CCDC122: variants seen among roughly 807,000 people sequenced by gnomAD.
CCDC122 encodes the protein coiled-coil domain containing 122.
Under a neutral mutation model 37.0 loss-of-function variants are expected in CCDC122, and 38 were observed. The observed-to-expected ratio is 1.03, with a 90% CI of 0.79 to 1.35. The LOEUF is 1.35. Ranked by LOEUF, CCDC122 falls within the 40% of genes most tolerant of loss-of-function variation. CCDC122 has a pLI of 0.00. For synonymous variants in CCDC122, 83 were observed against 95.6 expected (o/e 0.87, Z 0.77); for missense variants, 305 against 310.0 (o/e 0.98, Z 0.12).
downstream of CCDC122, among the ~76,000 whole-genome samples, chr13:43,835,468 G>A (rs1408748501): frequency 1.3e-5 from 2 of 152,012 alleles, no homozygotes; most frequent in Non-Finnish European, 2.9e-5. Flanking sequence ...AATAAAAAAA[G>A]AAAGAACAAG....
Position 43,869,328 on chromosome 13 carries a change from T to C in CCDC122, c.46+3A>G, listed in dbSNP as rs747238701. ...TATTTATTTCTTAAGACTGTTTCAT[T>C]ACCTTCTTTAGGAAATCCTTGACTC... On this transcript the variant is annotated splice_donor_region_variant and intron_variant, in intron 3 of 6. Transcript: ENST00000444614. The C allele has an allele frequency of 6.9e-6, 11 of 1,599,588 alleles. No individual in the cohort carries two copies. In the South Asian group the frequency reaches 1.2e-4, roughly 18 times the overall value.
chr13:43,867,474 C>T (rs1270579471), intron 4 of CCDC122, among the ~76,000 whole-genome samples: 1 of 152,108 alleles, frequency 6.6e-6, no homozygotes, highest in Non-Finnish European at 1.5e-5. Context: ...TGAACTCCAG[C>T]TGCCATTTAA....
chr13:43,827,716 T>A (rs930024361), intron 3 of CCDC122, among the ~76,000 whole-genome samples: 2 of 152,230 alleles, frequency 1.3e-5, no homozygotes, highest in Non-Finnish European at 2.9e-5. Context: ...ACTGTGGGCT[T>A]GAGCGTGCTC....
intron 3 of CCDC122, among the ~76,000 whole-genome samples, chr13:43,828,555 TACACACACACAC>T (rs56901535): frequency 0.1 from 14,862 of 146,208 alleles, 753 homozygotes; most frequent in East Asian, 0.13. Flanking sequence ...TATAGACAGA[TACACACACACAC>T]ACACACACAC....
chr13:43,868,834 A>G (rs1954357025), intron 3 of CCDC122, 31 bp from the exon 4 acceptor site: 1 of 1,059,714 alleles, frequency 9.4e-7, no homozygotes, highest in Non-Finnish European at 1.3e-6. Flanking sequence ...AAAGTATATA[A>G]TAAAAATTAA....
At chr13:43,840,478 A>G (rs1333653060) in intron 6 of CCDC122, among the ~76,000 whole-genome samples, 3 of 152,088 alleles carry the variant, frequency 2.0e-5, no homozygotes, top group African/African-American at 7.2e-5. Flanking sequence ...TGCTGCACCC[A>G]TTAACTCTTC....
At chr13:43,862,627 T>A (rs1429085697) in intron 4 of CCDC122, among the ~76,000 whole-genome samples, 2 of 152,156 alleles carry the variant, frequency 1.3e-5, no homozygotes. Flanking sequence ...ATCTTCCCAC[T>A]GCTTAAAACA....
intron 6 of CCDC122, among the ~76,000 whole-genome samples, chr13:43,842,765 T>G (rs1323030984): frequency 6.6e-6 from 1 of 152,074 alleles, no homozygotes; most frequent in African/African-American, 2.4e-5. Flanking sequence ...TTTATGTCAT[T>G]TAGTGTTAAT....
At chr13:43,848,997 T>G (rs1953636140) in intron 6 of CCDC122, 1 of 960,948 alleles carries the variant, frequency 1.0e-6, no homozygotes, top group Non-Finnish European at 1.2e-6. Flanking sequence ...TGATCGATTC[T>G]CATCATGGAA....
intron 6 of CCDC122, among the ~76,000 whole-genome samples, chr13:43,838,674 T>C (rs1953245308): frequency 6.6e-6 from 1 of 152,096 alleles, no homozygotes; most frequent in Non-Finnish European, 1.5e-5. Flanking sequence ...AGGCTTTTAT[T>C]GGGGGCTTAT....
At chr13:43,873,343 A>C (rs1028472815) in intron 2 of CCDC122, among the ~76,000 whole-genome samples, 1 of 152,182 alleles carries the variant, frequency 6.6e-6, no homozygotes, top group Non-Finnish European at 1.5e-5. Flanking sequence ...AACTCAATAT[A>C]TCACAAACTG....
intron 2 of CCDC122, among the ~76,000 whole-genome samples, chr13:43,873,366 C>T (rs1367718576): frequency 6.6e-6 from 1 of 152,084 alleles, no homozygotes; most frequent in Non-Finnish European, 1.5e-5. Flanking sequence ...CTTTTGATTC[C>T]TCTGTCCACT....
chr13:43,859,597 A>G, intron 5 of CCDC122, 75 bp downstream of exon 5: 1 of 1,156,758 alleles, frequency 8.6e-7, no homozygotes. Context: ...CTTCACAATA[A>G]ATTTATCATT....
intron 6 of CCDC122, 144 bp from the exon 7 acceptor site, chr13:43,837,573 A>G: frequency 4.4e-6 from 3 of 676,520 alleles, no homozygotes; most frequent in Non-Finnish European, 6.9e-6. Flanking sequence ...ATAAACAGTA[A>G]TTGTAAAACT....
chr13:43,863,911 T>C (rs1339425090), intron 4 of CCDC122, among the ~76,000 whole-genome samples: 3 of 152,214 alleles, frequency 2.0e-5, no homozygotes, highest in Admixed American at 6.5e-5. Flanking sequence ...ATTAAAGAAA[T>C]CATTGCCAAG....
At chr13:43,851,544 C>A (rs1265622758) in intron 6 of CCDC122, among the ~76,000 whole-genome samples, 3 of 152,186 alleles carry the variant, frequency 2.0e-5, no homozygotes, top group Non-Finnish European at 4.4e-5. Context: ...GTCTCTGCCA[C>A]TGTAGTGAAT....
intron 2 of CCDC122, among the ~76,000 whole-genome samples, chr13:43,870,636 T>C (rs950907227): frequency 5.9e-5 from 9 of 152,142 alleles, no homozygotes; most frequent in African/African-American, 2.2e-4. Context: ...CTGTGCCAGA[T>C]GGTGTTCTAA....
intron 6 of CCDC122, among the ~76,000 whole-genome samples, chr13:43,841,922 G>A (rs1279276809): frequency 3.3e-5 from 5 of 152,122 alleles, no homozygotes; most frequent in African/African-American, 1.2e-4. Context: ...ACCCAGGCTG[G>A]TCTTCAACTC....
downstream of CCDC122, among the ~76,000 whole-genome samples, chr13:43,820,124 CAT>C (rs935845393): frequency 3.9e-5 from 6 of 152,190 alleles, no homozygotes; most frequent in Admixed American, 2.6e-4. Context: ...ACTTGAAAAA[CAT>C]AGTATAAACT....
Sources: allele counts gnomAD v4.1 joint callset (sites outside exome capture counted in the v4.1 genomes callset), GRCh38; gene constraint gnomAD v4.1.1; transcripts MANE v1.5; gene names NCBI Gene and HGNC (gene_info 2026-07-23, HGNC 2026-07-21).